GRID2: variants seen among roughly 807,000 people sequenced by gnomAD.
GRID2 encodes the protein glutamate receptor ionotropic, delta-2.
GRID2 carries 33 observed loss-of-function variants against 114.8 expected under a neutral mutation model. That is an observed-to-expected ratio of 0.29 (90% CI 0.22 to 0.38). The LOEUF (loss-of-function observed/expected upper bound fraction) is 0.38, where lower values mean the gene tolerates loss of function less well. Among genes scored for constraint, GRID2 ranks in the 10% least tolerant of loss-of-function variants. The probability of loss-of-function intolerance (pLI) is 1.00; values close to 1 mark genes in which losing one functional copy is unlikely to be tolerated. For missense variants in GRID2, 1,184 were observed against 1,257.7 expected (o/e 0.94, Z 0.89); for synonymous variants, 505 against 449.9 (o/e 1.12, Z -1.55).
intron 8 of GRID2, among the ~76,000 whole-genome samples, chr4:93,316,291 C>CGAAAGAAA (rs201308452): frequency 0.1 from 8,011 of 76,314 alleles, 386 homozygotes; most frequent in East Asian, 0.12. Context: ...AACGAAAGAA[C>CGAAAGAAA]GAAAGAAAGA....
downstream of GRID2, among the ~76,000 whole-genome samples, chr4:93,776,679 A>T (rs62319427): frequency 2.0e-5 from 3 of 152,170 alleles, no homozygotes; most frequent in East Asian, 5.8e-4. Context: ...TCAAGCACCA[A>T]TTGAAACTGT....
In GRID2 at chr4:92,539,742, A is replaced by C. The variant is rs1049767020; in HGVS notation, c.89-50389A>C. Among the ~76,000 whole-genome samples, 34 of 152,194 alleles carry C rather than the reference A, an allele frequency of 2.2e-4. 4 individuals carry two copies. The stretch of plus-strand genomic sequence containing the variant: ...TATACATTCTTAAAATTAGCTGTCC[A>C]TGAACTGGATCTCATGTTCTAATAT... On this transcript the variant is annotated intron_variant, in intron 1 of 15. Coordinates refer to ENST00000282020, the MANE Select transcript of GRID2 (RefSeq NM_001510.4).
intron 14 of GRID2, among the ~76,000 whole-genome samples, chr4:93,757,365 A>G (rs1732839608): frequency 1.3e-5 from 2 of 152,186 alleles, no homozygotes; most frequent in Admixed American, 1.3e-4. Context: ...GAATGCCTGT[A>G]CTTTCTTCCT....
intron 2 of GRID2, among the ~76,000 whole-genome samples, chr4:93,037,062 T>C (rs546776374): frequency 6.6e-5 from 10 of 152,270 alleles, no homozygotes; most frequent in Admixed American, 4.6e-4. Context: ...TTCAGCACAG[T>C]TGATAAAGAT....
intron 7 of GRID2, among the ~76,000 whole-genome samples, chr4:93,237,446 C>T (rs1002400482): frequency 5.3e-5 from 8 of 151,852 alleles, no homozygotes; most frequent in East Asian, 3.9e-4. Context: ...AGACTGGAAA[C>T]GGAGTTGCAG....
intron 2 of GRID2, among the ~76,000 whole-genome samples, chr4:93,058,974 G>T (rs963570306): frequency 2.6e-5 from 4 of 152,004 alleles, no homozygotes; most frequent in Non-Finnish European, 4.4e-5. Flanking sequence ...CTGTTCTGAC[G>T]CTGTATAACC....
intron 1 of GRID2, among the ~76,000 whole-genome samples, chr4:92,393,298 C>T (rs182420862): frequency 7.4e-4 from 113 of 152,226 alleles, no homozygotes; most frequent in African/African-American, 2.5e-3. Context: ...GACAAATATT[C>T]AAGTTATATC....
At chr4:92,772,881 G>A (rs1182858323) in intron 2 of GRID2, among the ~76,000 whole-genome samples, 1 of 152,164 alleles carries the variant, frequency 6.6e-6, no homozygotes, top group East Asian at 1.9e-4. Flanking sequence ...TCACTGAAAG[G>A]TGATGCTATA....
intron 2 of GRID2, among the ~76,000 whole-genome samples, chr4:92,937,748 A>G (rs1255405537): frequency 6.8e-6 from 1 of 146,640 alleles, no homozygotes; most frequent in African/African-American, 2.4e-5. Context: ...AAAGAAAAAA[A>G]TCATTGGGAT....
At chr4:92,921,318 T>C (rs980858714) in intron 2 of GRID2, among the ~76,000 whole-genome samples, 1 of 152,114 alleles carries the variant, frequency 6.6e-6, no homozygotes, top group Non-Finnish European at 1.5e-5. Flanking sequence ...TGCAGAGTAG[T>C]TTGATCGTCT....
chr4:93,730,711 G>C (rs959860884), intron 14 of GRID2, among the ~76,000 whole-genome samples: 1 of 152,222 alleles, frequency 6.6e-6, no homozygotes, highest in Non-Finnish European at 1.5e-5. Flanking sequence ...ACGGAAAAGA[G>C]CCAGGAGTGG....
intron 1 of GRID2, among the ~76,000 whole-genome samples, chr4:92,562,058 T>G (rs1307550006): frequency 6.6e-6 from 1 of 152,216 alleles, no homozygotes; most frequent in African/African-American, 2.4e-5. Context: ...AGTCTTTATC[T>G]CTGAGAAAGT....
intron 4 of GRID2, among the ~76,000 whole-genome samples, chr4:93,187,874 G>C (rs1460715349): frequency 6.6e-6 from 1 of 152,230 alleles, no homozygotes; most frequent in Non-Finnish European, 1.5e-5. Flanking sequence ...CTCAAGGCTG[G>C]AGAATAATTC....
At chr4:93,049,721 A>G (rs913236257) in intron 2 of GRID2, among the ~76,000 whole-genome samples, 5 of 151,974 alleles carry the variant, frequency 3.3e-5, no homozygotes, top group Non-Finnish European at 7.4e-5. Flanking sequence ...TTTTTCTTCC[A>G]ATTTTTTTTG....
intron 1 of GRID2, among the ~76,000 whole-genome samples, chr4:92,350,413 C>T (rs1222248143): frequency 1.3e-5 from 2 of 151,752 alleles, no homozygotes; most frequent in Non-Finnish European, 3.0e-5. Context: ...TACAATTTCA[C>T]ATTTTTAAAA....
chr4:92,680,360 G>T (rs979162122), intron 2 of GRID2, among the ~76,000 whole-genome samples: 2 of 152,070 alleles, frequency 1.3e-5, no homozygotes, highest in African/African-American at 4.8e-5. Context: ...GTACTCTTCA[G>T]TGAACTGTAG....
At chr4:92,712,048 G>T (rs1408665034) in intron 2 of GRID2, among the ~76,000 whole-genome samples, 1 of 152,196 alleles carries the variant, frequency 6.6e-6, no homozygotes, top group Non-Finnish European at 1.5e-5. Flanking sequence ...GTAACATTGA[G>T]AGGAGAGTGA....
intron 2 of GRID2, among the ~76,000 whole-genome samples, chr4:92,945,943 T>C (rs778193987): frequency 6.6e-6 from 1 of 152,160 alleles, no homozygotes; most frequent in East Asian, 1.9e-4. Context: ...CACTGTGTTT[T>C]ATTAGCGCAT....
intron 2 of GRID2, among the ~76,000 whole-genome samples, chr4:92,863,892 TC>T (rs1428864168): frequency 5.9e-5 from 9 of 152,248 alleles, no homozygotes; most frequent in Middle Eastern, 3.4e-3. Flanking sequence ...AAAGGATTCA[TC>T]TCTCAGCTCC....
Sources: gnomAD v4.1 joint callset for allele counts (sites outside exome capture counted in the v4.1 genomes callset) on GRCh38, gnomAD v4.1.1 for gene constraint, MANE v1.5 for transcripts, NCBI Gene and HGNC (gene_info 2026-07-23, HGNC 2026-07-21) for gene names.